The following XPR1 variants were observed in gnomAD, a reference collection of about 807,000 sequenced individuals.
XPR1 encodes solute carrier family 53 member 1.
Under a neutral mutation model 87.5 loss-of-function variants are expected in XPR1, and 28 were observed. The observed-to-expected ratio is 0.32, with a 90% confidence interval of 0.24 to 0.44. The LOEUF (loss-of-function observed/expected upper bound fraction) is 0.44. XPR1 is among the 20% of genes least tolerant of loss of function. XPR1 has a pLI of 1.00. For synonymous variants in XPR1, 300 were observed against 306.1 expected, an observed-to-expected ratio of 0.98 and a Z score of 0.21; for missense variants, 559 against 862.3, an observed-to-expected ratio of 0.65 and a Z score of 4.41.
rs998214251 is a variant in XPR1 at position 180,888,643 on chromosome 1, T to A, written c.*4577T>A. The A allele has an allele frequency of 4.6e-5, 7 of 151,706 alleles. No individual in the cohort carries two copies. The highest frequency in any genetic ancestry group is 1.7e-4 in the African/African-American group (7 of 41,448). The allele number at this position is 151,706 out of a possible 1,614,324, so 9.4% of individuals were successfully genotyped here. On this transcript the variant is annotated 3_prime_UTR_variant, in exon 15 of 15. Transcript: ENST00000367590. The stretch of plus-strand genomic sequence containing the variant: ...TTGTTCATATTCTTTTTCTGAGTGA[T>A]CTAAATTTTTCTTGCTTGTGATCAT...
intron 11 of XPR1, among the ~76,000 whole-genome samples, chr1:180,837,308 A>G (rs998506087): frequency 3.9e-5 from 6 of 152,348 alleles, no homozygotes; most frequent in Middle Eastern, 3.4e-3. Flanking sequence ...TCAGTCAACA[A>G]TCTCACTTCC....
chr1:180,841,712 C>A (rs143908327), intron 11 of XPR1, among the ~76,000 whole-genome samples: 1 of 152,052 alleles, frequency 6.6e-6, no homozygotes, highest in African/African-American at 2.4e-5. Flanking sequence ...ATTCAGTACT[C>A]ACTGTCAAAG....
chr1:180,812,924 C>T (rs982512682), intron 7 of XPR1, among the ~76,000 whole-genome samples: 1 of 152,100 alleles, frequency 6.6e-6, no homozygotes, highest in South Asian at 2.1e-4. Flanking sequence ...CTGGGGTTTA[C>T]AGGCATGAGC....
chr1:180,829,880 C>CT (rs976138651), intron 9 of XPR1, among the ~76,000 whole-genome samples: 1 of 151,668 alleles, frequency 6.6e-6, no homozygotes, highest in African/African-American at 2.4e-5. Context: ...CCCACCATCC[C>CT]TTTTTTCCTT....
chr1:180,745,594 G>C (rs1051782165), intron 2 of XPR1, among the ~76,000 whole-genome samples: 1 of 152,114 alleles, frequency 6.6e-6, no homozygotes, highest in Non-Finnish European at 1.5e-5. Context: ...AAGAAGAAAA[G>C]GGGGGGATGT....
chr1:180,695,410 G>T (rs796078202), intron 2 of XPR1, among the ~76,000 whole-genome samples: 3 of 146,712 alleles, frequency 2.0e-5, no homozygotes, highest in African/African-American at 7.8e-5. Context: ...AGTCCCATTT[G>T]TGTGTGTGTG....
intron 1 of XPR1, among the ~76,000 whole-genome samples, chr1:180,674,194 G>A (rs188727813): frequency 6.6e-6 from 1 of 152,300 alleles, no homozygotes; most frequent in African/African-American, 2.4e-5. Context: ...TTACAGATGA[G>A]GGTGCTAAAG....
chr1:180,704,245 GATATATATAT>G (rs35751561), intron 2 of XPR1, among the ~76,000 whole-genome samples: 822 of 66,024 alleles, frequency 0.012, 36 homozygotes, highest in African/African-American at 0.043. Context: ...ATAGGTGCTG[GATATATATAT>G]ATATATATAT....
intron 1 of XPR1, among the ~76,000 whole-genome samples, chr1:180,657,686 A>C (rs12076809): frequency 0.043 from 6,541 of 152,200 alleles, 502 homozygotes; most frequent in African/African-American, 0.15. Context: ...TATTTTGGTC[A>C]CTATAGCTCT....
intron 2 of XPR1, among the ~76,000 whole-genome samples, chr1:180,755,864 G>T (rs17301602): frequency 0.053 from 8,104 of 152,226 alleles, 311 homozygotes; most frequent in Non-Finnish European, 0.078. Flanking sequence ...TCACCTTGTA[G>T]ATCTGACTGA....
At chr1:180,758,779 G>GGCCCCTGCGTA (rs58013893) in intron 2 of XPR1, 2 of 152,012 alleles carry the variant, frequency 1.3e-5, no homozygotes, top group African/African-American at 4.8e-5. Context: ...AGATTAGCAT[G>GGCCCCTGCGTA]AGGATGACAC....
At chr1:180,815,420 C>T (rs1650372650) in intron 7 of XPR1, among the ~76,000 whole-genome samples, 1 of 152,090 alleles carries the variant, frequency 6.6e-6, no homozygotes, top group Non-Finnish European at 1.5e-5. Flanking sequence ...TTAAAGCCAG[C>T]TGTCTATCCT....
chr1:180,812,671 C>T (rs1321949857), intron 7 of XPR1, among the ~76,000 whole-genome samples: 43 of 144,278 alleles, frequency 3.0e-4, no homozygotes, highest in African/African-American at 6.8e-4. Flanking sequence ...TTTTTTGACA[C>T]GGGGTCTCAC....
intron 2 of XPR1, among the ~76,000 whole-genome samples, chr1:180,710,522 G>A (rs1033336256): frequency 3.3e-5 from 5 of 152,150 alleles, no homozygotes; most frequent in African/African-American, 1.2e-4. Context: ...TTGGGGGTAA[G>A]GTCACAGATC....
chr1:180,808,575 A>G (rs1650086532), intron 6 of XPR1, among the ~76,000 whole-genome samples: 1 of 152,194 alleles, frequency 6.6e-6, no homozygotes, highest in Non-Finnish European at 1.5e-5. Flanking sequence ...TATATTTAGA[A>G]TATATAAAGA....
chr1:180,754,236 G>A lies in XPR1; in HGVS notation c.122-33517G>A, dbSNP rs1647639745. Among the ~76,000 whole-genome samples, 5 of 152,188 alleles carry A rather than the reference G, an allele frequency of 3.3e-5. No homozygotes were observed. In the South Asian group the frequency reaches 1.0e-3, roughly 32 times the overall value. ...TACTATTATCTATTCTGGCTACTAGGTTCTTTCTCTGTCTCTAATTTATTT... is the reference window on the plus strand; with the variant it reads ...TACTATTATCTATTCTGGCTACTAGATTCTTTCTCTGTCTCTAATTTATTT... On this transcript the variant is annotated intron_variant, in intron 2 of 14. Transcript: ENST00000367590.
intron 11 of XPR1, among the ~76,000 whole-genome samples, chr1:180,838,208 T>C (rs899539830): frequency 1.3e-5 from 2 of 152,160 alleles, no homozygotes; most frequent in African/African-American, 4.8e-5. Context: ...TAAAATCTTA[T>C]TAAGAACATC....
intron 2 of XPR1, among the ~76,000 whole-genome samples, chr1:180,719,162 A>C (rs1658096142): frequency 6.6e-6 from 1 of 152,384 alleles, no homozygotes; most frequent in African/African-American, 2.4e-5. Context: ...TATAAATACC[A>C]AGGAAATGTA....
chr1:180,815,604 G>GA (rs1449920305), intron 7 of XPR1, among the ~76,000 whole-genome samples: 1 of 152,014 alleles, frequency 6.6e-6, no homozygotes, highest in Non-Finnish European at 1.5e-5. Flanking sequence ...TAATTTCTCT[G>GA]AAAATCACGT....
Sources: gnomAD v4.1 joint callset for allele counts (sites outside exome capture counted in the v4.1 genomes callset) on GRCh38, gnomAD v4.1.1 for gene constraint, MANE v1.5 for transcripts, NCBI Gene and HGNC (gene_info 2026-07-23, HGNC 2026-07-21) for gene names.